Variants in ADGRL2 observed in about 807,000 individuals in gnomAD.
ADGRL2 encodes the protein calcium-independent alpha-latrotoxin receptor 2.
Under a neutral mutation model 157.4 loss-of-function variants are expected in ADGRL2, and 44 were observed. The observed-to-expected ratio is 0.28, with a 90% CI of 0.22 to 0.36. ADGRL2 has a LOEUF of 0.36. Among genes scored for constraint, ADGRL2 ranks in the 10% least tolerant of loss-of-function variants. The probability of loss-of-function intolerance (pLI) is 1.00; values close to 1 mark genes in which losing one functional copy is unlikely to be tolerated. For synonymous variants in ADGRL2, 585 were observed against 624.7 expected, an observed-to-expected ratio of 0.94 and a Z score of 0.95; for missense variants, 1,510 against 1,768.9, an observed-to-expected ratio of 0.85 and a Z score of 2.63.
intron 2 of ADGRL2, among the ~76,000 whole-genome samples, chr1:81,899,355 A>T (rs1027971382): frequency 2.6e-5 from 4 of 152,206 alleles, no homozygotes; most frequent in Admixed American, 2.6e-4. Context: ...CCCATCCGGT[A>T]GCAGTGCATC....
chr1:81,338,917 G>T (rs1211550228), intron 1 of ADGRL2, among the ~76,000 whole-genome samples: 1 of 152,126 alleles, frequency 6.6e-6, no homozygotes, highest in Non-Finnish European at 1.5e-5. Flanking sequence ...TGTTTTGAAA[G>T]TTTTACACTT....
intron 3 of ADGRL2, among the ~76,000 whole-genome samples, chr1:81,651,954 A>C (rs749155068): frequency 6.6e-5 from 10 of 151,814 alleles, no homozygotes; most frequent in Non-Finnish European, 1.0e-4. Flanking sequence ...TGAACCTCAC[A>C]CCTCGGCCTC....
At chr1:81,931,964 C>T (rs1340891862) in intron 3 of ADGRL2, among the ~76,000 whole-genome samples, 1 of 152,120 alleles carries the variant, frequency 6.6e-6, no homozygotes, top group Non-Finnish European at 1.5e-5. Context: ...ACATTATTCG[C>T]AAGGCCTACT....
rs199520327 is a variant in ADGRL2 at position 81,957,196 on chromosome 1, A to AC, written c.2017+1138dup. On this transcript the variant is annotated intron_variant, in intron 11 of 23. Coordinates refer to ENST00000686636, the MANE Select transcript of ADGRL2 (RefSeq NM_001366006.2). ...TTCTGAAAATTATTAAAAAAAAAAA[A>AC]CCACTAAAATTCCCTTCTTATGCCT... 5.3e-5 allele frequency among the ~76,000 whole-genome samples: 8 copies of AC among 150,946 alleles called. No individual in the cohort carries two copies. The South Asian group carries it at 1.3e-3, about 24-fold the overall frequency.
chr1:81,947,830 C>A (rs2149024622), intron 6 of ADGRL2, among the ~76,000 whole-genome samples: 1 of 152,180 alleles, frequency 6.6e-6, no homozygotes, highest in East Asian at 1.9e-4. Context: ...GTCACTTAAG[C>A]TTTATGATCA....
intron 3 of ADGRL2, among the ~76,000 whole-genome samples, chr1:81,640,379 A>G (rs2082195184): frequency 6.6e-6 from 1 of 152,072 alleles, no homozygotes; most frequent in Non-Finnish European, 1.5e-5. Context: ...TCACACCTGT[A>G]ATCCCGGCAC....
intron 1 of ADGRL2, among the ~76,000 whole-genome samples, chr1:81,399,716 A>G (rs952171651): frequency 6.6e-6 from 1 of 151,844 alleles, no homozygotes; most frequent in Non-Finnish European, 1.5e-5. Context: ...GTCTATCTGT[A>G]TTTTCTTATA....
intron 1 of ADGRL2, among the ~76,000 whole-genome samples, chr1:81,355,175 A>T (rs1287282585): frequency 6.6e-6 from 1 of 151,954 alleles, no homozygotes. Context: ...AAATGGTGAA[A>T]CCCCAACTCT....
intron 2 of ADGRL2, among the ~76,000 whole-genome samples, chr1:81,538,812 C>T (rs2148307388): frequency 6.6e-6 from 1 of 151,972 alleles, no homozygotes; most frequent in East Asian, 1.9e-4. Context: ...CAAGACCAGC[C>T]TTGGCAACAT....
intron 1 of ADGRL2, among the ~76,000 whole-genome samples, chr1:81,803,050 C>T (rs2088527197): frequency 6.6e-6 from 1 of 151,946 alleles, no homozygotes; most frequent in Admixed American, 6.6e-5. Context: ...AGCAGCGGGC[C>T]GCGTTGGGCC....
intron 3 of ADGRL2, among the ~76,000 whole-genome samples, chr1:81,674,133 G>T (rs1381092402): frequency 6.6e-6 from 1 of 152,040 alleles, no homozygotes; most frequent in East Asian, 1.9e-4. Flanking sequence ...AAAATTTTAA[G>T]AATTTTAATA....
chr1:81,747,702 T>A (rs565223673), intron 1 of ADGRL2, among the ~76,000 whole-genome samples: 346 of 11,800 alleles, frequency 0.029, no homozygotes, highest in Admixed American at 0.041. Flanking sequence ...CTTTAATGTT[T>A]GTGTGTGTGT....
intron 1 of ADGRL2, among the ~76,000 whole-genome samples, chr1:81,388,151 C>T (rs2076470619): frequency 6.6e-6 from 1 of 151,932 alleles, no homozygotes; most frequent in Non-Finnish European, 1.5e-5. Flanking sequence ...AGTTTCAGTC[C>T]CCCTGACTGA....
At chr1:81,850,274 A>G (rs1432983932) in intron 2 of ADGRL2, among the ~76,000 whole-genome samples, 3 of 151,870 alleles carry the variant, frequency 2.0e-5, no homozygotes, top group South Asian at 2.1e-4. Context: ...ACTCTGTTCT[A>G]TGTCTTGTCT....
At chr1:81,744,138 G>C (rs966910355) in intron 1 of ADGRL2, among the ~76,000 whole-genome samples, 4 of 152,074 alleles carry the variant, frequency 2.6e-5, no homozygotes, top group Admixed American at 2.0e-4. Context: ...TTAAATTCCT[G>C]ATAGATGTTT....
At chr1:81,682,197 G>A (rs550844897) in intron 3 of ADGRL2, among the ~76,000 whole-genome samples, 1 of 151,988 alleles carries the variant, frequency 6.6e-6, no homozygotes, top group African/African-American at 2.4e-5. Flanking sequence ...TTGCTGGAAA[G>A]AGAGGAGATG....
At chr1:81,818,845 C>A (rs2090687280) in intron 1 of ADGRL2, among the ~76,000 whole-genome samples, 1 of 152,010 alleles carries the variant, frequency 6.6e-6, no homozygotes. Context: ...AAAAGAGACC[C>A]CATTTATTTA....
chr1:81,653,320 G>GTTT (rs375033003), intron 3 of ADGRL2, among the ~76,000 whole-genome samples: 62,244 of 134,768 alleles, frequency 0.46, 13,890 homozygotes, highest in East Asian at 0.71. Context: ...AACCTTTAGG[G>GTTT]TTTTTTTTTT....
intron 3 of ADGRL2, among the ~76,000 whole-genome samples, chr1:81,919,558 T>C (rs1035270544): frequency 5.3e-5 from 8 of 152,042 alleles, no homozygotes; most frequent in Non-Finnish European, 1.2e-4. Flanking sequence ...TGAAAGCTTT[T>C]TTTTTTTAAG....
Sources: gnomAD v4.1 joint callset for allele counts (sites outside exome capture counted in the v4.1 genomes callset) on GRCh38, gnomAD v4.1.1 for gene constraint, MANE v1.5 for transcripts, NCBI Gene and HGNC (gene_info 2026-07-23, HGNC 2026-07-21) for gene names.